The following SPMIP4 variants were observed in gnomAD, a reference collection of about 807,000 sequenced individuals.
SPMIP4 encodes sperm-associated microtubule inner protein 4.
the SPMIP4 span, among the ~76,000 whole-genome samples, chr7:25,145,000 TC>T: frequency 6.6e-6 from 1 of 151,224 alleles, no homozygotes; most frequent in Non-Finnish European, 1.5e-5. Context: ...CTTGCTCTTG[TC>T]CCCCAGACTG....
At chr7:25,163,435 A>G in the SPMIP4 span, among the ~76,000 whole-genome samples, 3 of 152,320 alleles carry the variant, frequency 2.0e-5, no homozygotes, top group East Asian at 5.8e-4. This position sits in a 1 kb window ranked among gnomAD's most constrained non-coding sequence, Gnocchi z 4.4. Context: ...TTTGTACCCC[A>G]CAAGAATGCT....
At chr7:25,140,800 T>TG in the SPMIP4 span, among the ~76,000 whole-genome samples, 34 of 151,924 alleles carry the variant, frequency 2.2e-4, no homozygotes, top group African/African-American at 8.0e-4. Flanking sequence ...TTGGCCAGGC[T>TG]GGTCTCGAAC....
the SPMIP4 span, chr7:25,142,730 A>G: frequency 1.9e-6 from 3 of 1,609,020 alleles, no homozygotes; most frequent in Non-Finnish European, 2.5e-6. Flanking sequence ...ATAGGGTCCC[A>G]TGAATTTAAA....
chr7:25,134,044 G>A, the SPMIP4 span, among the ~76,000 whole-genome samples: 3 of 151,968 alleles, frequency 2.0e-5, no homozygotes, highest in African/African-American at 2.4e-5. Flanking sequence ...GGTGGATCAC[G>A]AGGTCAGGAG....
chr7:25,161,333 C>T, the SPMIP4 span: 5 of 751,986 alleles, frequency 6.6e-6, no homozygotes, highest in Non-Finnish European at 1.1e-5. Flanking sequence ...TAGTAAAAGA[C>T]AAATAGATTA....
At chr7:25,139,693 C>T in the SPMIP4 span, among the ~76,000 whole-genome samples, 1 of 152,188 alleles carries the variant, frequency 6.6e-6, no homozygotes, top group African/African-American at 2.4e-5. Flanking sequence ...GAAAAAACTT[C>T]AGCTCTTTGA....
chr7:25,136,241 C>A, the SPMIP4 span: 1 of 1,614,004 alleles, frequency 6.2e-7, no homozygotes, highest in African/African-American at 1.3e-5. The surrounding 1 kb of genome is among the most constrained non-coding windows in gnomAD (Gnocchi z 5.7). Context: ...AAAAAATGTT[C>A]TAAAGTGAAA....
chr7:25,177,461 AAC>A, the SPMIP4 span, among the ~76,000 whole-genome samples: 1 of 152,118 alleles, frequency 6.6e-6, no homozygotes, highest in Non-Finnish European at 1.5e-5. Context: ...CCAGCCTGGC[AAC>A]AGAGTGAGAC....
At chr7:25,168,395 T>A in the SPMIP4 span, 60 of 1,613,040 alleles carry the variant, frequency 3.7e-5, no homozygotes, top group East Asian at 1.3e-3. Context: ...ATCGGTATTA[T>A]CCCACCATAC....
chr7:25,175,733 A>G, the SPMIP4 span, among the ~76,000 whole-genome samples: 1 of 152,010 alleles, frequency 6.6e-6, no homozygotes, highest in African/African-American at 2.4e-5. Flanking sequence ...GTATTGTTTT[A>G]TTTTGCTGTT....
chr7:25,151,610 C>A, the SPMIP4 span: 3 of 1,604,204 alleles, frequency 1.9e-6, no homozygotes, highest in South Asian at 2.2e-5. Context: ...TAATATACAC[C>A]TTGACCTGGC....
the SPMIP4 span, among the ~76,000 whole-genome samples, chr7:25,149,778 C>A: frequency 1.3e-5 from 2 of 152,160 alleles, no homozygotes; most frequent in African/African-American, 4.8e-5. Flanking sequence ...AGTTTTGAAT[C>A]TTTCATATGA....
At chr7:25,174,996 T>A in the SPMIP4 span, among the ~76,000 whole-genome samples, 2 of 152,356 alleles carry the variant, frequency 1.3e-5, no homozygotes, top group South Asian at 4.1e-4. This position sits in a 1 kb window ranked among gnomAD's most constrained non-coding sequence, Gnocchi z 4.5. Flanking sequence ...CTCTTGGTCA[T>A]CAGGTAAGCC....
the SPMIP4 span, chr7:25,135,123 C>G: frequency 2.9e-6 from 1 of 347,274 alleles, no homozygotes. Flanking sequence ...AATGAATTGA[C>G]TTGCATATGG....
At chr7:25,151,725 T>C in the SPMIP4 span, 3 of 1,112,560 alleles carry the variant, frequency 2.7e-6, no homozygotes, top group Non-Finnish European at 4.1e-6. Flanking sequence ...AACAGTCTTT[T>C]AGAGGATTAA....
chr7:25,156,635 C>G, the SPMIP4 span, among the ~76,000 whole-genome samples: 1 of 152,054 alleles, frequency 6.6e-6, no homozygotes, highest in Non-Finnish European at 1.5e-5. Context: ...CAGATCTCGG[C>G]TTCTAACACC....
chr7:25,159,029 C>A, the SPMIP4 span, among the ~76,000 whole-genome samples: 2 of 152,094 alleles, frequency 1.3e-5, no homozygotes, highest in Non-Finnish European at 2.9e-5. Context: ...CTAACCTCAC[C>A]ACTGTTTCTG....
chr7:25,153,848 C>T, the SPMIP4 span, among the ~76,000 whole-genome samples: 1 of 152,234 alleles, frequency 6.6e-6, no homozygotes, highest in East Asian at 1.9e-4. Context: ...ATACTTGATA[C>T]AGCTTTCACT....
At chr7:25,130,312 CTTT>C in the SPMIP4 span, among the ~76,000 whole-genome samples, 3 of 131,686 alleles carry the variant, frequency 2.3e-5, no homozygotes, top group East Asian at 2.2e-4. Context: ...GTTATCACTT[CTTT>C]TTTTTTTTTT....
Sources: allele counts gnomAD v4.1 joint callset (sites outside exome capture counted in the v4.1 genomes callset), GRCh38; gene constraint gnomAD v4.1.1; non-coding constraint Gnocchi (gnomAD v3.1); transcripts MANE v1.5; gene names NCBI Gene and HGNC (gene_info 2026-07-23, HGNC 2026-07-21).